PPP3CA: variants seen among roughly 807,000 people sequenced by gnomAD.
PPP3CA encodes CAM-PRP catalytic subunit.
PPP3CA carries 14 observed loss-of-function variants against 66.5 expected under a neutral mutation model. The observed-to-expected ratio is 0.21, with a 90% CI of 0.14 to 0.33. The LOEUF (loss-of-function observed/expected upper bound fraction) is 0.33, where lower values mean the gene tolerates loss of function less well. PPP3CA is among the 10% of genes least tolerant of loss of function. The pLI, the probability that PPP3CA is intolerant of heterozygous loss-of-function variation, is 1.00. For missense variants in PPP3CA, 317 were observed against 639.5 expected, an observed-to-expected ratio of 0.50 and a Z score of 5.44; for synonymous variants, 232 against 226.2, an observed-to-expected ratio of 1.03 and a Z score of -0.23.
At position 101,080,431 on chromosome 4, in the gene PPP3CA, A is replaced by G. The variant is rs1029499357; in HGVS notation, c.955+101T>C. 9.3e-6 allele frequency: 5 copies of G among 537,762 alleles called. No homozygotes were observed. In the African/African-American group the frequency reaches 9.8e-5, roughly 11 times the overall value. The allele number at this position is 537,762 out of a possible 1,614,324, so 33.3% of individuals were successfully genotyped here. On this transcript the variant is annotated intron_variant, in intron 8 of 13. Transcript: ENST00000394854. ...ACAATAACTGAAAAAATTTTAAAAA[A>G]AAAGACTGGTTAAAATACTTAAGAC...
At chr4:101,053,211 G>T (rs1213205725) in intron 10 of PPP3CA, among the ~76,000 whole-genome samples, 3 of 152,082 alleles carry the variant, frequency 2.0e-5, no homozygotes, top group Admixed American at 2.0e-4. Context: ...TTTTGTCAAT[G>T]ATTTCAATTT....
chr4:101,194,061 C>T (rs763027115), intron 2 of PPP3CA, among the ~76,000 whole-genome samples: 3 of 152,122 alleles, frequency 2.0e-5, no homozygotes, highest in African/African-American at 4.8e-5. Flanking sequence ...AAGAAGTTAT[C>T]GGTCAGTAAC....
intron 1 of PPP3CA, among the ~76,000 whole-genome samples, chr4:101,198,468 C>T (rs1470564916): frequency 6.6e-6 from 1 of 152,032 alleles, no homozygotes; most frequent in Admixed American, 6.6e-5. Flanking sequence ...AATGATTTTC[C>T]AAGGTGTTTT....
chr4:101,100,587 A>G (rs754889134), intron 3 of PPP3CA, among the ~76,000 whole-genome samples: 7 of 152,180 alleles, frequency 4.6e-5, no homozygotes, highest in Non-Finnish European at 1.0e-4. Context: ...AGTCAACTGG[A>G]ATATTCAAGT....
At chr4:101,299,502 C>T (rs1413383076) in intron 1 of PPP3CA, among the ~76,000 whole-genome samples, 1 of 151,988 alleles carries the variant, frequency 6.6e-6, no homozygotes, top group Non-Finnish European at 1.5e-5. Flanking sequence ...GCCATCATGC[C>T]TGGCTCAAAT....
intron 1 of PPP3CA, among the ~76,000 whole-genome samples, chr4:101,345,256 TCAC>T (rs1293410170): frequency 5.9e-5 from 9 of 152,150 alleles, no homozygotes; most frequent in African/African-American, 2.2e-4. Context: ...ATTTCCCCCA[TCAC>T]CACCACCACT....
At chr4:101,166,481 C>T (rs186075191) in intron 2 of PPP3CA, among the ~76,000 whole-genome samples, 1 of 152,118 alleles carries the variant, frequency 6.6e-6, no homozygotes. Context: ...TATTTTATCT[C>T]CCTCAATGGA....
chr4:101,287,531 C>G (rs1727882981), intron 1 of PPP3CA, among the ~76,000 whole-genome samples: 1 of 152,100 alleles, frequency 6.6e-6, no homozygotes, highest in Non-Finnish European at 1.5e-5. Flanking sequence ...GATATGCAGC[C>G]CAACTCTAGG....
At chr4:101,079,360 TC>T (rs1394421781) in intron 8 of PPP3CA, among the ~76,000 whole-genome samples, 1 of 151,622 alleles carries the variant, frequency 6.6e-6, no homozygotes, top group Non-Finnish European at 1.5e-5. Context: ...GACGCTTTTT[TC>T]CTCCTGTTTC....
chr4:101,137,569 A>G (rs1722662218), intron 2 of PPP3CA, among the ~76,000 whole-genome samples: 1 of 151,964 alleles, frequency 6.6e-6, no homozygotes, highest in Admixed American at 6.6e-5. Context: ...TTCCCTACCC[A>G]ACCAAACCAA....
At position 101,272,039 on chromosome 4, in the gene PPP3CA, C is replaced by T. The variant is rs77094704; in HGVS notation, c.58+74700G>A. On this transcript the variant is annotated intron_variant, in intron 1 of 13. Coordinates refer to ENST00000394854, the MANE Select transcript of PPP3CA (RefSeq NM_000944.5). Reference sequence around the variant, plus strand: ...AATAATGAAATTTTCTTTATTATTACTTAGGCCTAATTTGCTTCAAAGGGC... The same window carrying T: ...AATAATGAAATTTTCTTTATTATTATTTAGGCCTAATTTGCTTCAAAGGGC... 9.0e-3 allele frequency among the ~76,000 whole-genome samples: 1,367 copies of T among 152,218 alleles called. 20 individuals are homozygous for T. The highest frequency in any genetic ancestry group is 0.031 in the African/African-American group (1,298 of 41,534).
intron 2 of PPP3CA, among the ~76,000 whole-genome samples, chr4:101,186,997 C>T (rs1724431932): frequency 6.6e-6 from 1 of 152,134 alleles, no homozygotes; most frequent in African/African-American, 2.4e-5. Context: ...GAGTGACAGG[C>T]ATGACACTAA....
chr4:101,073,658 T>C (rs1177701028), intron 8 of PPP3CA, among the ~76,000 whole-genome samples: 1 of 152,188 alleles, frequency 6.6e-6, no homozygotes, highest in Non-Finnish European at 1.5e-5. Flanking sequence ...ATAACATTTC[T>C]CAGTGAACTC....
At chr4:101,039,316 C>T (rs1021669281) in intron 11 of PPP3CA, among the ~76,000 whole-genome samples, 8 of 144,986 alleles carry the variant, frequency 5.5e-5, no homozygotes, top group African/African-American at 2.0e-4. Context: ...TCTTTATCTC[C>T]CACTTGCTCC....
intron 11 of PPP3CA, among the ~76,000 whole-genome samples, chr4:101,034,204 C>T (rs1727139722): frequency 6.6e-6 from 1 of 152,168 alleles, no homozygotes; most frequent in Non-Finnish European, 1.5e-5. Flanking sequence ...TTTCCTTAGA[C>T]ATACCCAGCA....
chr4:101,133,468 T>C (rs2659536), intron 2 of PPP3CA, among the ~76,000 whole-genome samples: 84,111 of 151,698 alleles, frequency 0.55, 25,892 homozygotes, highest in African/African-American at 0.82. Flanking sequence ...GACAGAGAAA[T>C]AAATCATGAG....
chr4:101,104,730 T>C (rs943618915), intron 3 of PPP3CA, among the ~76,000 whole-genome samples: 3 of 151,636 alleles, frequency 2.0e-5, no homozygotes, highest in Non-Finnish European at 3.0e-5. Context: ...ATCCTTAAAG[T>C]ATTTTCAGTA....
chr4:101,201,677 T>C (rs1462423778), intron 1 of PPP3CA, among the ~76,000 whole-genome samples: 1 of 152,228 alleles, frequency 6.6e-6, no homozygotes, highest in African/African-American at 2.4e-5. Context: ...ATATTTCATG[T>C]GGCTACTGTG....
At chr4:101,147,584 T>C (rs776914448) in intron 2 of PPP3CA, among the ~76,000 whole-genome samples, 1 of 152,202 alleles carries the variant, frequency 6.6e-6, no homozygotes, top group Non-Finnish European at 1.5e-5. Context: ...CCTTTGCTAC[T>C]TGAAATTGAA....
Sources: gnomAD v4.1 joint callset for allele counts (sites outside exome capture counted in the v4.1 genomes callset) on GRCh38, gnomAD v4.1.1 for gene constraint, MANE v1.5 for transcripts, NCBI Gene and HGNC (gene_info 2026-07-23, HGNC 2026-07-21) for gene names.